The following RPAP2 variants were observed in gnomAD, a reference collection of about 807,000 sequenced individuals.
RPAP2 encodes the protein putative RNA polymerase II subunit B1 CTD phosphatase RPAP2.
RPAP2 carries 52 observed loss-of-function variants against 73.1 expected under a neutral mutation model. The ratio of observed to expected loss-of-function variants is 0.71; its 90% confidence interval spans 0.57 to 0.90. The LOEUF is 0.90. Among genes scored for constraint, RPAP2 ranks in the 40% least tolerant of loss-of-function variants. RPAP2 has a pLI of 0.00. For synonymous variants in RPAP2, 225 were observed against 242.1 expected (o/e 0.93, Z 0.65); for missense variants, 598 against 701.8 (o/e 0.85, Z 1.67).
intron 6 of RPAP2, among the ~76,000 whole-genome samples, chr1:92,309,684 T>C (rs953927642): frequency 6.6e-6 from 1 of 152,124 alleles, no homozygotes; most frequent in Non-Finnish European, 1.5e-5. Flanking sequence ...AGAACATGAA[T>C]TAAACAAGTT....
intron 12 of RPAP2, among the ~76,000 whole-genome samples, chr1:92,381,364 TC>T (rs1316067127): frequency 6.6e-6 from 1 of 152,142 alleles, no homozygotes; most frequent in East Asian, 1.9e-4. Context: ...CTAACCCTGT[TC>T]CCAGATACAC....
At chr1:92,299,429 G>C (rs974189529) in intron 1 of RPAP2, among the ~76,000 whole-genome samples, 1 of 152,116 alleles carries the variant, frequency 6.6e-6, no homozygotes, top group African/African-American at 2.4e-5. Flanking sequence ...CCAGGCCTGG[G>C]GTCCCCGGGT....
chr1:92,319,267 A>G (rs1339926052), intron 6 of RPAP2, among the ~76,000 whole-genome samples: 1 of 152,216 alleles, frequency 6.6e-6, no homozygotes, highest in Non-Finnish European at 1.5e-5. Context: ...ATTGTCTTGA[A>G]TAACAGTGTA....
chr1:92,378,348 G>A (rs1655480752), intron 11 of RPAP2, among the ~76,000 whole-genome samples: 1 of 152,048 alleles, frequency 6.6e-6, no homozygotes, highest in Non-Finnish European at 1.5e-5. Flanking sequence ...AGGATTACAG[G>A]TGCCCACCAC....
At chr1:92,371,422 A>G (rs1164076430) in intron 11 of RPAP2, among the ~76,000 whole-genome samples, 2 of 151,862 alleles carry the variant, frequency 1.3e-5, no homozygotes, top group African/African-American at 4.8e-5. Context: ...ATGGATAGAT[A>G]GATAAGATAG....
intron 11 of RPAP2, among the ~76,000 whole-genome samples, chr1:92,356,854 G>T (rs1654492924): frequency 6.6e-6 from 1 of 151,806 alleles, no homozygotes; most frequent in Non-Finnish European, 1.5e-5. Flanking sequence ...CTTGAGGTCA[G>T]GAGTTCAAGA....
At chr1:92,358,695 C>T (rs757040843) in intron 11 of RPAP2, among the ~76,000 whole-genome samples, 11 of 152,002 alleles carry the variant, frequency 7.2e-5, no homozygotes, top group South Asian at 2.1e-4. Context: ...TCAAGTGATC[C>T]TCCTTCCTCA....
intron 11 of RPAP2, among the ~76,000 whole-genome samples, chr1:92,362,508 T>C (rs1350557777): frequency 6.6e-6 from 1 of 152,194 alleles, no homozygotes; most frequent in African/African-American, 2.4e-5. Flanking sequence ...AGTTTGGGAT[T>C]TGGCTGTTTG....
chr1:92,310,811 C>A (rs1469212408), intron 6 of RPAP2, among the ~76,000 whole-genome samples: 2 of 152,006 alleles, frequency 1.3e-5, no homozygotes, highest in Admixed American at 6.6e-5. Flanking sequence ...TAAGAAGAAC[C>A]GCTTGAACCT....
chr1:92,384,331 A>G (rs1246707500), intron 12 of RPAP2, among the ~76,000 whole-genome samples: 1 of 152,014 alleles, frequency 6.6e-6, no homozygotes, highest in East Asian at 1.9e-4. Context: ...TGATTAAGAA[A>G]GAATACCAGA....
chr1:92,351,043 G>A (rs1654176023), intron 11 of RPAP2, among the ~76,000 whole-genome samples: 1 of 152,090 alleles, frequency 6.6e-6, no homozygotes, highest in African/African-American at 2.4e-5. Context: ...GCGGGGTGCA[G>A]TGTCTCACGC....
At chr1:92,302,062 C>G (rs953810829) in intron 3 of RPAP2, among the ~76,000 whole-genome samples, 1 of 152,162 alleles carries the variant, frequency 6.6e-6, no homozygotes, top group Non-Finnish European at 1.5e-5. Flanking sequence ...AGGCGGATCA[C>G]TTGAGGTCAG....
chr1:92,376,319 T>C (rs566943730), intron 11 of RPAP2, among the ~76,000 whole-genome samples: 6 of 152,256 alleles, frequency 3.9e-5, no homozygotes, highest in African/African-American at 1.4e-4. Context: ...AGATCTATAA[T>C]CATTTATATT....
intron 10 of RPAP2, among the ~76,000 whole-genome samples, chr1:92,338,443 C>T (rs564091605): frequency 6.6e-6 from 1 of 152,258 alleles, no homozygotes; most frequent in East Asian, 1.9e-4. Context: ...TGTCTTATAC[C>T]TATCACAGAA....
intron 9 of RPAP2, 57 bp from the exon 10 acceptor site, chr1:92,336,290 C>CA: frequency 1.6e-6 from 2 of 1,216,810 alleles, no homozygotes; most frequent in South Asian, 1.3e-5. Flanking sequence ...AGGCATGACC[C>CA]AAAAAAAGTT....
chr1:92,355,727 C>T (rs570162927), intron 11 of RPAP2, among the ~76,000 whole-genome samples: 9 of 152,214 alleles, frequency 5.9e-5, no homozygotes, highest in East Asian at 1.9e-4. Context: ...CTCCAAAATC[C>T]GAAACTTTTT....
rs1656148961 is a variant in RPAP2, at chr1:92,394,961, T to C, written c.*7950T>C. ...AGACAGTGTGGTACTGATATAAAGA[T>C]AGGCATACAGATCAGTGGAACAGAG... is the stretch of plus-strand genomic sequence containing the variant. On this transcript the variant is annotated 3_prime_UTR_variant, in exon 13 of 13. Coordinates refer to ENST00000610020, the MANE Select transcript of RPAP2 (RefSeq NM_024813.3). The C allele has an allele frequency of 6.6e-6, 1 of 152,200 alleles. No homozygotes were observed. Among genetic ancestry groups the C allele is most frequent in the African/African-American group, 2.4e-5 (1 of 41,458 alleles). The allele number at this position is 152,200 out of a possible 1,614,324, so 9.4% of individuals were successfully genotyped here.
chr1:92,312,418 CA>C (rs55719262), intron 6 of RPAP2, among the ~76,000 whole-genome samples: 116,581 of 146,718 alleles, frequency 0.79, 46,025 homozygotes, highest in East Asian at 0.99. Context: ...GACCGTGTCT[CA>C]AAAAAAAAAA....
chr1:92,361,555 G>C (rs1159214485), intron 11 of RPAP2, among the ~76,000 whole-genome samples: 1 of 152,126 alleles, frequency 6.6e-6, no homozygotes, highest in Non-Finnish European at 1.5e-5. Context: ...TCATTATAGA[G>C]ATGTAATCTG....
Sources: gnomAD v4.1 joint callset for allele counts (sites outside exome capture counted in the v4.1 genomes callset) on GRCh38, gnomAD v4.1.1 for gene constraint, MANE v1.5 for transcripts, NCBI Gene and HGNC (gene_info 2026-07-23, HGNC 2026-07-21) for gene names.